The following SNRPA1 variants were observed in gnomAD, a reference collection of about 807,000 sequenced individuals.
The protein encoded by SNRPA1 is small nuclear ribonucleoprotein polypeptide A'.
SNRPA1 carries 5 observed loss-of-function variants against 32.3 expected under a neutral mutation model. The observed-to-expected ratio is 0.15, with a 90% confidence interval of 0.08 to 0.33. The LOEUF (loss-of-function observed/expected upper bound fraction) is 0.33, where lower values mean the gene tolerates loss of function less well. Among genes scored for constraint, SNRPA1 ranks in the 10% least tolerant of loss-of-function variants. SNRPA1 has a pLI of 1.00. For synonymous variants in SNRPA1, 111 were observed against 120.1 expected, an observed-to-expected ratio of 0.92 and a Z score of 0.50; for missense variants, 198 against 311.1, an observed-to-expected ratio of 0.64 and a Z score of 2.74.
At chr15:101,288,291 G>A (rs1051840859) in intron 3 of SNRPA1, 1 of 146,578 alleles carries the variant, frequency 6.8e-6, no homozygotes, top group Admixed American at 7.0e-5. Context: ...CTGTTGCCCA[G>A]GCTGGAGTAC....
intron 5 of SNRPA1, chr15:101,286,506 ATC>A: frequency 2.0e-6 from 1 of 509,666 alleles, no homozygotes; most frequent in Admixed American, 3.7e-5. Context: ...CAAGGAGGGG[ATC>A]CCAGGGAACT....
intron 5 of SNRPA1, 41 bp downstream of exon 5, chr15:101,286,867 A>C: frequency 1.0e-6 from 1 of 998,756 alleles, no homozygotes; most frequent in South Asian, 1.5e-5. Flanking sequence ...AGAAAAACAC[A>C]CAACTCTATA....
chr15:101,293,193 A>C (rs772500567), intron 1 of SNRPA1, 21 bp from the exon 2 acceptor site: 69 of 1,565,268 alleles, frequency 4.4e-5, no homozygotes, highest in Non-Finnish European at 5.7e-5. Context: ...GAGGAAAAAA[A>C]CACAAGAGGT....
chr15:101,290,433 C>T (rs909831370), intron 3 of SNRPA1, among the ~76,000 whole-genome samples: 1 of 152,184 alleles, frequency 6.6e-6, no homozygotes, highest in African/African-American at 2.4e-5. Flanking sequence ...TGGACCAGTG[C>T]TGTCTTATGT....
chr15:101,284,355 T>G (rs1343522790), intron 8 of SNRPA1, among the ~76,000 whole-genome samples: 5 of 152,248 alleles, frequency 3.3e-5, no homozygotes, highest in African/African-American at 1.2e-4. Flanking sequence ...TCCTAACTAC[T>G]GAGGTATCAT....
chr15:101,294,361 T>A (rs995953592), intron 1 of SNRPA1, among the ~76,000 whole-genome samples: 1 of 152,226 alleles, frequency 6.6e-6, no homozygotes, highest in Non-Finnish European at 1.5e-5. Context: ...TACGACAGCA[T>A]GGTCTTATCC....
At position 101,285,015 on chromosome 15, in the gene SNRPA1, T is replaced by G; in HGVS notation, c.661A>C (p.Lys221Gln). The change falls in exon 8 of 9, where the codon AAG (lysine) becomes CAG (glutamine). Residue 221 changes from lysine to glutamine, a missense_variant. By Grantham distance (53) the Lys-to-Gln change is moderately conservative. Transcript: ENST00000254193. ...ATCTGACCAGACTGCAGCAACCCCT[T>G]CAGCCTCTCCACTTCAGCCAGAGTT... Reference protein sequence around the residue: ...ASTLAEVERLKGLLQSGQIPG... With the variant: ...ASTLAEVERLQGLLQSGQIPG... 1 of 1,614,028 alleles carries G rather than the reference T, an allele frequency of 6.2e-7. No individual in the cohort carries two copies. Among genetic ancestry groups the G allele is most frequent in the Non-Finnish European group, 8.5e-7 (1 of 1,179,912 alleles).
chr15:101,292,374 T>C (rs1178451194), intron 2 of SNRPA1, among the ~76,000 whole-genome samples: 1 of 152,174 alleles, frequency 6.6e-6, no homozygotes, highest in Non-Finnish European at 1.5e-5. Context: ...GATTCCCAGC[T>C]CAGGTACAAG....
chr15:101,291,888 G>T, intron 3 of SNRPA1, 74 bp downstream of exon 3: 1 of 914,698 alleles, frequency 1.1e-6, no homozygotes, highest in Non-Finnish European at 1.7e-6. Context: ...TCTAGATTTT[G>T]TAAATTTTCT....
chr15:101,286,775 A>AT (rs1340305757), intron 5 of SNRPA1, 133 bp downstream of exon 5: 3 of 602,188 alleles, frequency 5.0e-6, no homozygotes, highest in Non-Finnish European at 9.0e-6. Flanking sequence ...GTGATGTAAC[A>AT]TTTTCCCTCC....
chr15:101,283,409 A>G (rs1405144478), intron 8 of SNRPA1, among the ~76,000 whole-genome samples: 1 of 151,160 alleles, frequency 6.6e-6, no homozygotes, highest in African/African-American at 2.4e-5. Flanking sequence ...AAAAAAAAAT[A>G]CAAAAAGTTA....
intron 3 of SNRPA1, among the ~76,000 whole-genome samples, chr15:101,290,121 A>T (rs2039505581): frequency 6.6e-6 from 1 of 152,130 alleles, no homozygotes; most frequent in Non-Finnish European, 1.5e-5. Context: ...GTCACAACAT[A>T]ATAAAAAGTT....
chr15:101,294,457 T>A (rs984962085), intron 1 of SNRPA1, among the ~76,000 whole-genome samples: 2 of 152,194 alleles, frequency 1.3e-5, no homozygotes, highest in African/African-American at 4.8e-5. Context: ...TCTTACCAAG[T>A]CTTGCTAAGG....
In SNRPA1 at chr15:101,293,211, T is replaced by C. The variant is rs748570813; in HGVS notation, c.83-39A>G. On this transcript the variant is annotated intron_variant, in intron 1 of 8. Coordinates refer to ENST00000254193, the MANE Select transcript of SNRPA1 (RefSeq NM_003090.4). The stretch of plus-strand genomic sequence containing the variant: ...GAAAAAAACACAAGAGGTATTAATA[T>C]AACTAAACAGTTGCCCCTTAAAGCA... 4.2e-6 allele frequency: 6 copies of C among 1,432,410 alleles called. No individual in the cohort carries two copies. The East Asian group carries it at 1.2e-4, about 28-fold the overall frequency. 88.7% of individuals were successfully genotyped at this position (1,432,410 alleles called of 1,614,324 possible). A position where few individuals can be genotyped will look rare whatever the true frequency, so the allele number is the denominator to read the frequency against.
chr15:101,281,864 A>C (rs892895147), intron 8 of SNRPA1, 82 bp from the exon 9 acceptor site: 1 of 1,285,948 alleles, frequency 7.8e-7, no homozygotes, highest in Non-Finnish European at 1.1e-6. Context: ...TTCTGTGGCC[A>C]CTGTTTGTTA....
chr15:101,294,843 C>T (rs1252958518), intron 1 of SNRPA1: 2 of 398,678 alleles, frequency 5.0e-6, no homozygotes, highest in Non-Finnish European at 8.9e-6. Flanking sequence ...CCCACGAGGA[C>T]GCACCAGGAA....
chr15:101,291,244 T>C (rs185478372), intron 3 of SNRPA1, among the ~76,000 whole-genome samples: 178 of 152,346 alleles, frequency 1.2e-3, no homozygotes, highest in Non-Finnish European at 2.2e-3. Context: ...CAATACACAG[T>C]ATCTCAATTA....
intron 3 of SNRPA1, chr15:101,288,148 C>G (rs1221534879): frequency 6.2e-6 from 1 of 161,806 alleles, no homozygotes; most frequent in Admixed American, 6.0e-5. Flanking sequence ...GTACATTTAT[C>G]CTAGCTGCCC....
chr15:101,288,218 C>T (rs10152335), intron 3 of SNRPA1: 52,595 of 151,360 alleles, frequency 0.35, 9,562 homozygotes, highest in African/African-American at 0.43. Context: ...TAAAAATGAT[C>T]GAATTAATGG....
Sources: gnomAD v4.1 joint callset for allele counts (sites outside exome capture counted in the v4.1 genomes callset) on GRCh38, gnomAD v4.1.1 for gene constraint, MANE v1.5 for transcripts, NCBI Gene and HGNC (gene_info 2026-07-23, HGNC 2026-07-21) for gene names.